Variants in DEUP1 observed in about 807,000 individuals in gnomAD.
DEUP1 encodes the protein deuterosome assembly protein 1, also known as coiled-coil domain containing 67.
DEUP1 carries 82 observed loss-of-function variants against 87.4 expected under a neutral mutation model. The observed-to-expected ratio is 0.94, with a 90% CI of 0.78 to 1.13. DEUP1 has a LOEUF of 1.13. Among genes scored for constraint, DEUP1 ranks in the 50% most tolerant of loss-of-function variants. The pLI, the probability that DEUP1 is intolerant of heterozygous loss-of-function variation, is 0.00. For synonymous variants in DEUP1, 214 were observed against 222.7 expected, an observed-to-expected ratio of 0.96 and a Z score of 0.35; for missense variants, 663 against 681.5, an observed-to-expected ratio of 0.97 and a Z score of 0.30.
chr11:93,396,761 A>G (rs1005551422), intron 11 of DEUP1, among the ~76,000 whole-genome samples: 1 of 152,234 alleles, frequency 6.6e-6, no homozygotes, highest in African/African-American at 2.4e-5. Flanking sequence ...GATGGCAAGC[A>G]GAGAACCATG....
At chr11:93,431,708 T>C (rs1359153198) in intron 13 of DEUP1, among the ~76,000 whole-genome samples, 1 of 152,208 alleles carries the variant, frequency 6.6e-6, no homozygotes, top group Non-Finnish European at 1.5e-5. Context: ...GAGATGATGC[T>C]GGCTTGGTAG....
intron 2 of DEUP1, among the ~76,000 whole-genome samples, chr11:93,337,160 T>A (rs1351119974): frequency 6.6e-6 from 1 of 152,204 alleles, no homozygotes; most frequent in East Asian, 1.9e-4. Context: ...GAATATTAAA[T>A]CATAACTTCT....
intron 2 of DEUP1, among the ~76,000 whole-genome samples, chr11:93,348,661 G>A (rs1975819): frequency 1.3e-5 from 2 of 152,118 alleles, no homozygotes; most frequent in Middle Eastern, 3.4e-3. Context: ...ATTTATTAGT[G>A]TTGATTTCTA....
chr11:93,418,266 T>G (rs1305513062), intron 13 of DEUP1, among the ~76,000 whole-genome samples: 2 of 151,976 alleles, frequency 1.3e-5, no homozygotes, highest in Middle Eastern at 3.4e-3. Flanking sequence ...GGGAGAAAAT[T>G]TTCGCAACCT....
At chr11:93,430,265 G>A (rs1948062648) in intron 13 of DEUP1, among the ~76,000 whole-genome samples, 1 of 151,894 alleles carries the variant, frequency 6.6e-6, no homozygotes, top group Non-Finnish European at 1.5e-5. Context: ...CTATATGGCA[G>A]TTCCTGTTCT....
intron 12 of DEUP1, chr11:93,411,146 T>A (rs1947424566): frequency 6.6e-6 from 1 of 152,238 alleles, no homozygotes; most frequent in African/African-American, 2.4e-5. Flanking sequence ...TCTCTGTTAA[T>A]GCTAGCAACT....
intron 5 of DEUP1, among the ~76,000 whole-genome samples, chr11:93,366,247 G>A (rs964264474): frequency 1.3e-5 from 2 of 152,116 alleles, no homozygotes; most frequent in Non-Finnish European, 2.9e-5. Flanking sequence ...ATGGAGGTTT[G>A]TTTTACTCTG....
chr11:93,375,912 T>C (rs1946015074), intron 7 of DEUP1, among the ~76,000 whole-genome samples: 1 of 152,162 alleles, frequency 6.6e-6, no homozygotes, highest in Admixed American at 6.5e-5. Flanking sequence ...ATCTGTCTGG[T>C]CCTGGACTTT....
intron 13 of DEUP1, among the ~76,000 whole-genome samples, chr11:93,434,265 G>A (rs1488826134): frequency 1.3e-5 from 2 of 152,126 alleles, no homozygotes; most frequent in South Asian, 2.1e-4. Flanking sequence ...GCAATTGGTC[G>A]CTGACACCTA....
chr11:93,379,567 A>C (rs78651334), intron 7 of DEUP1, among the ~76,000 whole-genome samples: 2,977 of 152,286 alleles, frequency 0.02, 31 homozygotes, highest in Middle Eastern at 0.065. Flanking sequence ...GGGAGAGTGC[A>C]TGCAACTTGG....
Position 93,343,527 on chromosome 11 carries a change from G to A in DEUP1, c.29+11239G>A, listed in dbSNP as rs115492990. Among the ~76,000 whole-genome samples, 707 of 152,270 alleles carry A rather than the reference G, an allele frequency of 4.6e-3. 6 individuals are homozygous for A. The highest frequency in any genetic ancestry group is 0.015 in the African/African-American group (635 of 41,562). The stretch of plus-strand genomic sequence containing the variant: ...GTATTTTTAGAAAAATATAAAGATC[G>A]CCCTGAAGAAAGAGATTAGTGCCTG... On this transcript the variant is annotated intron_variant, in intron 2 of 13. Transcript: ENST00000298050.
chr11:93,341,495 A>G (rs1238015214), intron 2 of DEUP1, among the ~76,000 whole-genome samples: 3 of 152,164 alleles, frequency 2.0e-5, no homozygotes, highest in Non-Finnish European at 4.4e-5. Flanking sequence ...ACAAACTAAT[A>G]CAGGCAGGTA....
chr11:93,331,821 T>C (rs1001031965), intron 1 of DEUP1, among the ~76,000 whole-genome samples: 7 of 152,056 alleles, frequency 4.6e-5, no homozygotes, highest in Admixed American at 4.6e-4. Context: ...CCGAGGTGGG[T>C]GGATCACGAG....
In DEUP1 at chr11:93,414,989, TTC is replaced by T. The variant is rs754647154; in HGVS notation, c.1524-7_1524-6del. 9.7e-6 allele frequency: 14 copies of T among 1,439,316 alleles called. No homozygotes were observed. Among genetic ancestry groups the T allele is most frequent in the Non-Finnish European group, 1.3e-5 (14 of 1,074,462 alleles). The allele number at this position is 1,439,316 out of a possible 1,614,324, so 89.2% of individuals were successfully genotyped here. The stretch of plus-strand genomic sequence containing the variant: ...TGATAGCAACAACAACAACCATTTC[TTC>T]TCTTTTAGACTTAGTCATGACTGTG... On this transcript the variant is annotated splice_polypyrimidine_tract_variant and intron_variant, in intron 12 of 13. Coordinates refer to ENST00000298050, the MANE Select transcript of DEUP1 (RefSeq NM_181645.4).
chr11:93,333,036 G>A (rs1943569875), intron 2 of DEUP1, among the ~76,000 whole-genome samples: 1 of 152,190 alleles, frequency 6.6e-6, no homozygotes, highest in African/African-American at 2.4e-5. Context: ...TAACTTTGAT[G>A]TCAGGCTGAA....
chr11:93,376,995 T>G (rs1371642710), intron 7 of DEUP1, among the ~76,000 whole-genome samples: 1 of 152,240 alleles, frequency 6.6e-6, no homozygotes, highest in Non-Finnish European at 1.5e-5. Flanking sequence ...CTTGCTATAA[T>G]TTCAGTTTTC....
At chr11:93,352,399 G>T in intron 2 of DEUP1, 1 of 702,452 alleles carries the variant, frequency 1.4e-6, no homozygotes, top group South Asian at 1.5e-5. Context: ...CTTTGAAAAA[G>T]AACTCTGTAG....
intron 13 of DEUP1, among the ~76,000 whole-genome samples, chr11:93,435,329 G>A (rs904707091): frequency 2.6e-5 from 4 of 152,056 alleles, no homozygotes; most frequent in Non-Finnish European, 5.9e-5. Flanking sequence ...GATTACCCTT[G>A]GTGAAAGGGG....
chr11:93,373,626 T>TGTGTGC (rs71064746), intron 7 of DEUP1, among the ~76,000 whole-genome samples: 1 of 20,052 alleles, frequency 5.0e-5, no homozygotes, highest in Admixed American at 8.7e-4. Flanking sequence ...TATATATACG[T>TGTGTGC]ATATATATAT....
Sources: allele counts gnomAD v4.1 joint callset (sites outside exome capture counted in the v4.1 genomes callset), GRCh38; gene constraint gnomAD v4.1.1; transcripts MANE v1.5; gene names NCBI Gene and HGNC (gene_info 2026-07-23, HGNC 2026-07-21).